The following NHS variants were observed in gnomAD, a reference collection of about 807,000 sequenced individuals.
NHS encodes the protein NHS actin remodeling regulator.
In NHS, 5 loss-of-function variants were observed where a neutral mutation model predicts 72.5. The ratio of observed to expected loss-of-function variants is 0.07; its 90% CI spans 0.04 to 0.14. The LOEUF (loss-of-function observed/expected upper bound fraction) is 0.14, where lower values mean the gene tolerates loss of function less well. Among genes scored for constraint, NHS ranks in the 10% least tolerant of loss-of-function variants. The pLI, the probability that NHS is intolerant of heterozygous loss-of-function variation, is 1.00. For synonymous variants in NHS, 464 were observed against 547.7 expected, an observed-to-expected ratio of 0.85 and a Z score of 2.13; for missense variants, 1,072 against 1,355.7, an observed-to-expected ratio of 0.79 and a Z score of 3.29.
intron 8 of NHS, among the ~76,000 whole-genome samples, chrX:17,729,801 C>T (rs1444355963): frequency 8.9e-6 from 1 of 112,257 alleles, no homozygotes; most frequent in African/African-American, 3.2e-5. Flanking sequence ...TCTTAGACCT[C>T]GGGAACCTAG....
At chrX:17,469,948 T>C (rs1227919289) in intron 1 of NHS, among the ~76,000 whole-genome samples, 1 of 111,402 alleles carries the variant, frequency 9.0e-6, no homozygotes, top group Non-Finnish European at 1.9e-5. Context: ...TTTTTGCTTG[T>C]TTGTTTGTTT....
chrX:17,608,983 A>G (rs1242781991), intron 1 of NHS, among the ~76,000 whole-genome samples: 1 of 111,715 alleles, frequency 9.0e-6, no homozygotes, highest in Non-Finnish European at 1.9e-5. Flanking sequence ...ATTTAGGCCA[A>G]GGTTGAGCTT....
chrX:17,692,504 T>C lies in NHS; in HGVS notation c.852+36T>C, dbSNP rs750596946. ...TGGCCACCTGCAGCCCTATGCTTGC[T>C]GCTGAGGAAACATCAGTTTGTCTGG... On this transcript the variant is annotated intron_variant, in intron 3 of 8. Transcript: ENST00000676302. The C allele has an allele frequency of 5.0e-6, 6 of 1,209,296 alleles. No homozygotes were observed. The Admixed American group carries it at 1.3e-4, about 26-fold the overall frequency.
intron 1 of NHS, among the ~76,000 whole-genome samples, chrX:17,621,844 T>C (rs1419609371): frequency 8.9e-6 from 1 of 111,753 alleles, no homozygotes; most frequent in African/African-American, 3.3e-5. Flanking sequence ...TCTCTAACAG[T>C]GTGGTTCAGG....
intron 1 of NHS, among the ~76,000 whole-genome samples, chrX:17,430,250 C>A (rs1359167367): frequency 1.5e-5 from 1 of 67,652 alleles, no homozygotes; most frequent in Non-Finnish European, 2.8e-5. Context: ...CCCTCCCTCC[C>A]CTCTTTCTTT....
chrX:17,444,274 G>A (rs1470208682), intron 1 of NHS, among the ~76,000 whole-genome samples: 1 of 111,629 alleles, frequency 9.0e-6, no homozygotes, highest in East Asian at 2.8e-4. Context: ...CTCCTGACAG[G>A]CTGTGGTCCA....
At chrX:17,685,310 T>C (rs1601835228) in intron 1 of NHS, among the ~76,000 whole-genome samples, 1 of 111,713 alleles carries the variant, frequency 9.0e-6, no homozygotes, top group African/African-American at 3.3e-5. Context: ...CACCTGCTAA[T>C]GTGTGGCAGA....
chrX:17,543,275 G>A (rs1222123191), intron 1 of NHS, among the ~76,000 whole-genome samples: 8 of 112,254 alleles, frequency 7.1e-5, no homozygotes, highest in Non-Finnish European at 3.8e-5. Context: ...TTTGAGGGAT[G>A]GATACAGTGC....
chrX:17,630,557 C>G (rs767111383), intron 1 of NHS, among the ~76,000 whole-genome samples: 167 of 110,543 alleles, frequency 1.5e-3, no homozygotes, highest in African/African-American at 5.3e-3. Flanking sequence ...CCCCATCAAC[C>G]ATCTCACCTC....
intron 1 of NHS, among the ~76,000 whole-genome samples, chrX:17,668,493 T>C (rs1471466498): frequency 9.0e-6 from 1 of 111,606 alleles, no homozygotes; most frequent in African/African-American, 3.3e-5. Flanking sequence ...GGCTTTGCTG[T>C]TCCTCAAACA....
intron 1 of NHS, among the ~76,000 whole-genome samples, chrX:17,408,965 G>A (rs967137784): frequency 2.7e-5 from 3 of 110,937 alleles, no homozygotes; most frequent in African/African-American, 6.6e-5. Context: ...GAGAGAGAGA[G>A]AGAGAGAGAG....
intron 1 of NHS, among the ~76,000 whole-genome samples, chrX:17,480,320 C>T (rs1260555384): frequency 2.7e-5 from 3 of 111,691 alleles, no homozygotes; most frequent in Admixed American, 1.9e-4. Flanking sequence ...GCCTGTATAG[C>T]CAAGACAGTC....
At chrX:17,684,962 T>C (rs752951968) in intron 1 of NHS, among the ~76,000 whole-genome samples, 12 of 112,139 alleles carry the variant, frequency 1.1e-4, no homozygotes, top group Non-Finnish European at 1.5e-4. Flanking sequence ...AACTTAGCCA[T>C]GGTGAGATTG....
chrX:17,389,432 G>C (rs2064428766), intron 1 of NHS, among the ~76,000 whole-genome samples: 1 of 111,186 alleles, frequency 9.0e-6, no homozygotes, highest in East Asian at 2.8e-4. Context: ...AAGACAAATT[G>C]AAATAGTGGA....
At chrX:17,445,713 A>C (rs1201183489) in intron 1 of NHS, among the ~76,000 whole-genome samples, 1 of 100,574 alleles carries the variant, frequency 9.9e-6, no homozygotes, top group African/African-American at 3.6e-5. Context: ...TCTTTCCTCC[A>C]AAATCGCTGA....
intron 1 of NHS, among the ~76,000 whole-genome samples, chrX:17,602,109 C>T (rs1173748974): frequency 3.6e-5 from 4 of 111,403 alleles, no homozygotes; most frequent in Non-Finnish European, 5.6e-5. Flanking sequence ...AACAATTCCT[C>T]CTTCTAAATA....
intron 1 of NHS, among the ~76,000 whole-genome samples, chrX:17,455,096 G>A (rs977243629): frequency 2.7e-5 from 3 of 111,612 alleles, no homozygotes; most frequent in Non-Finnish European, 5.6e-5. Flanking sequence ...ATAGGTAATA[G>A]TGAAAAGTAA....
At chrX:17,447,903 A>G (rs186307803) in intron 1 of NHS, among the ~76,000 whole-genome samples, 6 of 111,455 alleles carry the variant, frequency 5.4e-5, no homozygotes, top group Non-Finnish European at 9.4e-5. Context: ...CTAAAGAAGT[A>G]TAACTATTTT....
At chrX:17,397,332 G>A (rs1010499475) in intron 1 of NHS, among the ~76,000 whole-genome samples, 2 of 112,287 alleles carry the variant, frequency 1.8e-5, no homozygotes, top group East Asian at 5.6e-4. Context: ...GGGGTAAAGT[G>A]ATGTGTATTG....
Sources: allele counts gnomAD v4.1 joint callset (sites outside exome capture counted in the v4.1 genomes callset), GRCh38; gene constraint gnomAD v4.1.1; transcripts MANE v1.5; gene names NCBI Gene and HGNC (gene_info 2026-07-23, HGNC 2026-07-21).